The following TBRG4 variants were observed in gnomAD, a reference collection of about 807,000 sequenced individuals.
TBRG4 encodes the protein transforming growth factor beta regulator 4, also known as FAST kinase domain-containing protein 4.
TBRG4 carries 43 observed loss-of-function variants against 65.6 expected under a neutral mutation model. The ratio of observed to expected loss-of-function variants is 0.66; its 90% CI spans 0.51 to 0.85. The LOEUF is 0.85. Ranked by LOEUF, TBRG4 falls within the 40% of genes least tolerant of loss-of-function variation. The pLI is 0.00. For missense variants in TBRG4, 709 were observed against 787.9 expected (o/e 0.90, Z 1.20); for synonymous variants, 366 against 341.4 (o/e 1.07, Z -0.79).
At position 45,109,081 on chromosome 7, in the gene TBRG4, A is replaced by G; in HGVS notation, c.157T>C (p.Ser53Pro). The change falls in exon 2 of 11, where the codon TCC (serine) becomes CCC (proline). Residue 53 changes from serine to proline, a missense_variant. Transcript: ENST00000258770. ...ATSPISHLPG[S>P]LMEPVEKERA... ...TCCTTCTCCACCGGCTCCATCAAGG[A>G]ACCTGGGAGGTGGGAAATGGGTGAG... The G allele has an allele frequency of 6.2e-7, 1 of 1,614,132 alleles. No individual in the cohort carries two copies. Among genetic ancestry groups the G allele is most frequent in the East Asian group, 2.2e-5 (1 of 44,874 alleles).
At chr7:45,101,758 TGG>T (rs1227329600) in intron 8 of TBRG4, 65 bp downstream of exon 8, 1 of 1,597,776 alleles carries the variant, frequency 6.3e-7, no homozygotes, top group Non-Finnish European at 8.5e-7. Flanking sequence ...GCAGACGGGG[TGG>T]GTTAGAAGAG....
At chr7:45,106,218 T>C (rs972831403) in intron 2 of TBRG4, 2 of 361,348 alleles carry the variant, frequency 5.5e-6, no homozygotes, top group African/African-American at 4.2e-5. Flanking sequence ...GCTGAGGTCA[T>C]TTGCAATTGC....
chr7:45,101,536 G>C lies in TBRG4; in HGVS notation c.1646C>G (p.Thr549Ser). 1 of 1,613,830 alleles carries C rather than the reference G, an allele frequency of 6.2e-7. No individual in the cohort carries two copies. Among genetic ancestry groups the C allele is most frequent in the Non-Finnish European group, 8.5e-7 (1 of 1,179,944 alleles). ...CCCTGGAGGTGGTGACTGGCTCCCAGTTGGCTGGGCAAGGTGAGGTGCCAC... is the reference window on the plus strand; with the variant it reads ...CCCTGGAGGTGGTGACTGGCTCCCACTTGGCTGGGCAAGGTGAGGTGCCAC... Reference protein sequence around the residue: ...DFVAPHLAQPTGSQSPPPGSK... With the variant: ...DFVAPHLAQPSGSQSPPPGSK... The change falls in exon 9 of 11, where the codon ACT becomes AGT. Residue 549 changes from threonine (T) to serine (S), a missense_variant. Thr to Ser is a moderately conservative substitution (Grantham distance 58). Transcript: ENST00000258770.
At chr7:45,109,378 T>C in intron 1 of TBRG4, 91 bp from the exon 2 acceptor site, 2 of 1,073,760 alleles carry the variant, frequency 1.9e-6, no homozygotes, top group African/African-American at 3.2e-5. Context: ...CCACTCTATC[T>C]GTAAAATCAG....
chr7:45,110,017 T>C (rs2128647070), intron 1 of TBRG4, among the ~76,000 whole-genome samples: 1 of 148,354 alleles, frequency 6.7e-6, no homozygotes, highest in East Asian at 2.0e-4. Flanking sequence ...CCTCTGTGGA[T>C]ATATTTTAAC....
Position 45,109,193 on chromosome 7 carries a change from TTC to T in TBRG4, c.43_44del (p.Glu15SerfsTer22). The T allele has an allele frequency of 6.2e-7, 1 of 1,612,382 alleles. No individual in the cohort carries two copies. The highest frequency in any genetic ancestry group is 8.5e-7 in the Non-Finnish European group (1 of 1,179,128). On this transcript the variant is annotated frameshift_variant, in exon 2 of 11. Coordinates refer to ENST00000258770, the MANE Select transcript of TBRG4 (RefSeq NM_004749.4). LOFTEE classifies it high-confidence loss of function. ...CCATGGCAGGGGCCTGACGAGCAGCTTCTCTCAGGAGGCACGTGCATCGCTTT... is the reference window on the plus strand; with the variant it reads ...CCATGGCAGGGGCCTGACGAGCAGCTTCTCAGGAGGCACGTGCATCGCTTT... ...LVKRCTCLLR[E>X]AARQAPAMAP...
intron 2 of TBRG4, among the ~76,000 whole-genome samples, chr7:45,108,378 T>C (rs901924754): frequency 1.3e-5 from 2 of 152,248 alleles, no homozygotes; most frequent in African/African-American, 4.8e-5. Context: ...ATGGTCATCC[T>C]TGGAGGGTCT....
chr7:45,111,632 A>G lies in TBRG4; in HGVS notation c.-51+11T>C. The G allele has an allele frequency of 7.8e-7, 1 of 1,289,284 alleles. No homozygotes were observed. The highest frequency in any genetic ancestry group is 1.0e-6 in the Non-Finnish European group (1 of 988,804). 79.9% of individuals were successfully genotyped at this position (1,289,284 alleles called of 1,614,324 possible). On this transcript the variant is annotated intron_variant, in intron 1 of 10. Transcript: ENST00000258770. Reference sequence around the variant, plus strand: ...ATCAGCCGCCCCTTCTCCCCGTGCCACAAGACCTACGCAGCGAGCACCACC... The same window carrying G: ...ATCAGCCGCCCCTTCTCCCCGTGCCGCAAGACCTACGCAGCGAGCACCACC...
chr7:45,109,640 A>C (rs1785068941), intron 1 of TBRG4, among the ~76,000 whole-genome samples: 1 of 152,164 alleles, frequency 6.6e-6, no homozygotes, highest in Non-Finnish European at 1.5e-5. Flanking sequence ...AGACAGCATT[A>C]ATTTTTTTTT....
intron 8 of TBRG4, 105 bp downstream of exon 8, chr7:45,101,720 C>T: frequency 1.3e-6 from 2 of 1,594,268 alleles, no homozygotes; most frequent in Non-Finnish European, 1.7e-6. Flanking sequence ...AGGCTGACAC[C>T]CTGCAGCTCC....
intron 2 of TBRG4, among the ~76,000 whole-genome samples, chr7:45,108,512 A>C (rs971644748): frequency 1.3e-5 from 2 of 152,242 alleles, no homozygotes; most frequent in African/African-American, 4.8e-5. Context: ...AGAGAGCAAT[A>C]CAAGTCAAGA....
intron 3 of TBRG4, chr7:45,105,169 G>A: frequency 1.6e-6 from 1 of 626,202 alleles, no homozygotes; most frequent in Non-Finnish European, 2.9e-6. Context: ...GCTGTGATGG[G>A]GTTTGGGGGA....
rs34954846 is a variant in TBRG4 at position 45,108,924 on chromosome 7, A to G, written c.314T>C (p.Ile105Thr). The change falls in exon 2 of 11, where the codon ATC becomes ACC. Residue 105 changes from isoleucine to threonine, a missense_variant. By Grantham distance (89) the Ile-to-Thr change is moderately conservative. Coordinates refer to ENST00000258770, the MANE Select transcript of TBRG4 (RefSeq NM_004749.4). ...CTCAGACAGCAAGTGAGAGAGCCGG[A>G]TAAGTACCATTGCTGCTTGATTGCT... ...LDSNQAAMVL[I>T]RLSHLLSEKP... 18 of 1,610,100 alleles carry G rather than the reference A, an allele frequency of 1.1e-5. No individual in the cohort carries two copies. Among genetic ancestry groups the G allele is most frequent in the East Asian group, 4.5e-5 (2 of 44,882 alleles).
chr7:45,110,207 C>T (rs770447745), intron 1 of TBRG4, among the ~76,000 whole-genome samples: 1 of 152,098 alleles, frequency 6.6e-6, no homozygotes, highest in African/African-American at 2.4e-5. Flanking sequence ...CAACACAAGG[C>T]CCCATTTTAA....
In TBRG4 at chr7:45,101,860, C is replaced by A. The variant is rs752512216; in HGVS notation, c.1532G>T (p.Ser511Ile). The change falls in exon 8 of 11, where the codon AGC becomes ATC. Residue 511 changes from serine (S) to isoleucine (I), a missense_variant. Ser to Ile is a moderately radical substitution (Grantham distance 142). Coordinates refer to ENST00000258770, the MANE Select transcript of TBRG4 (RefSeq NM_004749.4). ...GCCATACTGCGTGGCCACCTCGAGG[C>A]TGCCCTTGTCGGCGCTCCCCAGCAG... ...KGLLGSADKG[S>I]LEVATQYGWV... 4.2e-5 allele frequency: 67 copies of A among 1,608,672 alleles called. No individual in the cohort carries two copies. The highest frequency in any genetic ancestry group is 5.3e-5 in the Non-Finnish European group (63 of 1,179,420).
chr7:45,103,568 G>A (rs1784839300), intron 5 of TBRG4, 125 bp from the exon 6 acceptor site: 1 of 725,516 alleles, frequency 1.4e-6, no homozygotes, highest in Non-Finnish European at 2.4e-6. Flanking sequence ...CCTCCATCCA[G>A]GGCCCATGAG....
In TBRG4 at chr7:45,105,667, T is replaced by C; in HGVS notation, c.509A>G (p.Gln170Arg). ...KASKELQSVE[Q>R]EVRWRMRKLK... Reference sequence around the variant, plus strand: ...CTTCCGCATGCGCCAGCGGACCTCCTGCTCCACCGACTGCAGCTCCTTGGA... The same window carrying C: ...CTTCCGCATGCGCCAGCGGACCTCCCGCTCCACCGACTGCAGCTCCTTGGA... Residue 170 changes from glutamine (Q) to arginine (R), a missense_variant, in exon 3 of 11, where the codon CAG becomes CGG. Transcript: ENST00000258770. 2 of 1,614,066 alleles carry C rather than the reference T, an allele frequency of 1.2e-6. No homozygotes were observed. Among genetic ancestry groups the C allele is most frequent in the Admixed American group, 1.7e-5 (1 of 60,034 alleles).
chr7:45,105,345 A>G, intron 3 of TBRG4, 96 bp downstream of exon 3: 1 of 1,359,220 alleles, frequency 7.4e-7, no homozygotes, highest in Non-Finnish European at 1.0e-6. Context: ...ATCCCAGTGC[A>G]CACAACGCAC....
In TBRG4 at chr7:45,102,494, G is replaced by C. The variant is rs767982352; in HGVS notation, c.1177-3C>G. 6.2e-7 allele frequency: 1 copy of C among 1,608,360 alleles called. No homozygotes were observed. Among genetic ancestry groups the C allele is most frequent in the South Asian group, 1.1e-5 (1 of 90,986 alleles). On this transcript the variant is annotated splice_region_variant and splice_polypyrimidine_tract_variant and intron_variant, in intron 6 of 10. Transcript: ENST00000258770. ...TCTGACCCCAGCTTCTCATGTACCT[G>C]GGCAAGGATAGAGTGTGGTGGAGAA...
Sources: allele counts gnomAD v4.1 joint callset (sites outside exome capture counted in the v4.1 genomes callset), GRCh38; gene constraint gnomAD v4.1.1; transcripts MANE v1.5; gene names NCBI Gene and HGNC (gene_info 2026-07-23, HGNC 2026-07-21).